LNX1: variants seen among roughly 807,000 people sequenced by gnomAD.
LNX1 encodes the protein E3 ubiquitin-protein ligase LNX.
In LNX1, 54 loss-of-function variants were observed where a neutral mutation model predicts 68.4. The observed-to-expected ratio is 0.79, with a 90% CI of 0.63 to 0.99. LNX1 has a LOEUF of 0.99. Among genes scored for constraint, LNX1 ranks in the 50% least tolerant of loss-of-function variants. LNX1 has a pLI of 0.00. For synonymous variants in LNX1, 336 were observed against 350.0 expected, an observed-to-expected ratio of 0.96 and a Z score of 0.45; for missense variants, 906 against 926.4, an observed-to-expected ratio of 0.98 and a Z score of 0.29.
At chr4:53,546,637 C>T (rs929981491) in intron 2 of LNX1, among the ~76,000 whole-genome samples, 6 of 152,132 alleles carry the variant, frequency 3.9e-5, no homozygotes, top group African/African-American at 1.4e-4. Context: ...GGGGATTAGA[C>T]TAAATCATCT....
chr4:53,460,805 T>A lies in LNX1; in HGVS notation c.*102A>T. 8.6e-7 allele frequency: 1 copy of A among 1,157,172 alleles called. No homozygotes were observed. The highest frequency in any genetic ancestry group is 1.2e-6 in the Non-Finnish European group (1 of 812,262). The allele number at this position is 1,157,172 out of a possible 1,614,324, so 71.7% of individuals were successfully genotyped here. A position where few individuals can be genotyped will look rare whatever the true frequency, so the allele number is the denominator to read the frequency against. On this transcript the variant is annotated 3_prime_UTR_variant, in exon 11 of 11. Transcript: ENST00000263925. Reference sequence around the variant, plus strand: ...CATACTTTTCCTGACATTTTTACAATGTATTCTTTCTTTAAATATAAAAAC... The same window carrying A: ...CATACTTTTCCTGACATTTTTACAAAGTATTCTTTCTTTAAATATAAAAAC...
At chr4:53,564,847 A>T (rs748520133) in intron 2 of LNX1, among the ~76,000 whole-genome samples, 1 of 152,246 alleles carries the variant, frequency 6.6e-6, no homozygotes, top group Non-Finnish European at 1.5e-5. Context: ...GCAAGGAGTC[A>T]GGGAGTTAGT....
intron 2 of LNX1, among the ~76,000 whole-genome samples, chr4:53,517,919 C>T (rs150438258): frequency 3.2e-3 from 488 of 152,056 alleles, no homozygotes; most frequent in African/African-American, 0.011. Flanking sequence ...GAATGGCCCT[C>T]GCCCCAGAGG....
chr4:53,461,845 C>T (rs1461859263), intron 9 of LNX1, among the ~76,000 whole-genome samples: 1 of 152,050 alleles, frequency 6.6e-6, no homozygotes, highest in African/African-American at 2.4e-5. Flanking sequence ...TGTTACACAT[C>T]TACTGGGAAT....
Position 53,591,403 on chromosome 4 carries a change from T to C in LNX1, c.-102A>G, listed in dbSNP as rs1732498297. ...TTCAACTCACCTCTTCAAGCGACTGTCTGGGGCTCTCCAAGCAGCAGCAGG... is the reference window on the plus strand; with the variant it reads ...TTCAACTCACCTCTTCAAGCGACTGCCTGGGGCTCTCCAAGCAGCAGCAGG... On this transcript the variant is annotated 5_prime_UTR_variant, in exon 1 of 11. Transcript: ENST00000263925. 2 of 985,684 alleles carry C rather than the reference T, an allele frequency of 2.0e-6. No individual in the cohort carries two copies. Among genetic ancestry groups the C allele is most frequent in the Non-Finnish European group, 2.4e-6 (2 of 830,212 alleles). 61.1% of individuals were successfully genotyped at this position (985,684 alleles called of 1,614,324 possible).
intron 2 of LNX1, among the ~76,000 whole-genome samples, chr4:53,536,919 T>C (rs1205473226): frequency 6.6e-6 from 1 of 152,224 alleles, no homozygotes; most frequent in Non-Finnish European, 1.5e-5. Flanking sequence ...AACCCCAGGA[T>C]CTTTATTTTC....
chr4:53,570,636 C>T (rs1731083578), intron 2 of LNX1, among the ~76,000 whole-genome samples: 1 of 149,642 alleles, frequency 6.7e-6, no homozygotes, highest in South Asian at 2.1e-4. Flanking sequence ...GCGTAATGTG[C>T]ACATGTACCC....
At chr4:53,575,053 C>A (rs1335473026) in intron 1 of LNX1, among the ~76,000 whole-genome samples, 1 of 151,884 alleles carries the variant, frequency 6.6e-6, no homozygotes, top group African/African-American at 2.4e-5. Flanking sequence ...ATGATCTCTG[C>A]TCACTACAAC....
At chr4:53,542,636 C>A (rs572908928) in intron 2 of LNX1, among the ~76,000 whole-genome samples, 269 of 152,256 alleles carry the variant, frequency 1.8e-3, no homozygotes, top group African/African-American at 6.1e-3. Flanking sequence ...ATGGGTACAT[C>A]TGCAATTAGA....
upstream of LNX1, chr4:53,591,694 AAATC>A (rs1366696767): frequency 1.2e-5 from 6 of 505,868 alleles, no homozygotes; most frequent in Non-Finnish European, 1.0e-5. Context: ...GTGGACAAAT[AAATC>A]AGTTAGAGCA....
intron 2 of LNX1, among the ~76,000 whole-genome samples, chr4:53,570,086 C>T (rs1190767683): frequency 1.3e-5 from 2 of 150,768 alleles, no homozygotes; most frequent in African/African-American, 4.9e-5. Flanking sequence ...CTAGTTCAAC[C>T]ATTGTGGAAG....
chr4:53,511,279 G>T (rs1726314976), intron 2 of LNX1, among the ~76,000 whole-genome samples: 2 of 152,208 alleles, frequency 1.3e-5, no homozygotes, highest in Admixed American at 6.5e-5. Flanking sequence ...TATCTCTTTT[G>T]TGGTGACTAA....
At chr4:53,647,859 C>A (rs79162003) in intron 1 of LNX1, among the ~76,000 whole-genome samples, 22,192 of 152,280 alleles carry the variant, frequency 0.15, 1,686 homozygotes, top group Non-Finnish European at 0.16. Context: ...GGAATTATAT[C>A]GTATTTGTCC....
chr4:53,495,327 C>A (rs1357526355), intron 6 of LNX1, among the ~76,000 whole-genome samples: 2 of 152,056 alleles, frequency 1.3e-5, no homozygotes, highest in Non-Finnish European at 2.9e-5. Flanking sequence ...AAAATACATA[C>A]AGGTGCTTGA....
At chr4:53,642,264 C>A (rs1734717937) in intron 1 of LNX1, among the ~76,000 whole-genome samples, 1 of 148,788 alleles carries the variant, frequency 6.7e-6, no homozygotes, top group East Asian at 2.0e-4. Flanking sequence ...CAGGCCCAGA[C>A]CATTTCCACT....
At chr4:53,495,793 C>T (rs1284991964) in intron 6 of LNX1, among the ~76,000 whole-genome samples, 1 of 152,168 alleles carries the variant, frequency 6.6e-6, no homozygotes, top group Non-Finnish European at 1.5e-5. Flanking sequence ...ATACACCTGC[C>T]TCGGCCTCCC....
chr4:53,469,229 C>T (rs1474619313), intron 9 of LNX1, among the ~76,000 whole-genome samples: 2 of 152,128 alleles, frequency 1.3e-5, no homozygotes, highest in Admixed American at 1.3e-4. Flanking sequence ...ACAACCTGCT[C>T]CTGAATGACT....
chr4:53,582,953 AC>A (rs1731930161), intron 1 of LNX1, among the ~76,000 whole-genome samples: 2 of 152,040 alleles, frequency 1.3e-5, no homozygotes, highest in Non-Finnish European at 2.9e-5. Context: ...AAAATAATTC[AC>A]CCAGCAGGCA....
chr4:53,570,756 G>C (rs1731099100), intron 2 of LNX1, among the ~76,000 whole-genome samples: 1 of 151,618 alleles, frequency 6.6e-6, no homozygotes, highest in African/African-American at 2.4e-5. Flanking sequence ...GGCTGGGCGT[G>C]GTGGCTCACG....
Sources: gnomAD v4.1 joint callset for allele counts (sites outside exome capture counted in the v4.1 genomes callset) on GRCh38, gnomAD v4.1.1 for gene constraint, MANE v1.5 for transcripts, NCBI Gene and HGNC (gene_info 2026-07-23, HGNC 2026-07-21) for gene names.